The following DTX1 variants were observed in gnomAD, a reference collection of about 807,000 sequenced individuals.
The protein encoded by DTX1 is deltex E3 ubiquitin ligase 1, also known as E3 ubiquitin-protein ligase DTX1.
In DTX1, 26 loss-of-function variants were observed where a neutral mutation model predicts 57.8. The observed-to-expected ratio is 0.45, with a 90% CI of 0.33 to 0.62. DTX1 has a LOEUF of 0.62. DTX1 is among the 20% of genes least tolerant of loss of function. The probability of loss-of-function intolerance (pLI) is 0.02; values close to 1 mark genes in which losing one functional copy is unlikely to be tolerated. For synonymous variants in DTX1, 398 were observed against 394.1 expected (o/e 1.01, Z -0.12); for missense variants, 704 against 895.3 (o/e 0.79, Z 2.73).
At chr12:113,087,117 G>T (rs908492680) in intron 3 of DTX1, among the ~76,000 whole-genome samples, 3 of 116,330 alleles carry the variant, frequency 2.6e-5, no homozygotes, top group Admixed American at 1.6e-4. Flanking sequence ...CTGGAGGACC[G>T]GGAGGGTTGA....
chr12:113,061,695 A>C (rs879595010), intron 2 of DTX1, among the ~76,000 whole-genome samples: 1 of 126,962 alleles, frequency 7.9e-6, no homozygotes, highest in Non-Finnish European at 1.7e-5. Flanking sequence ...AAAGATCTTA[A>C]ATCTTTTTTT....
At chr12:113,094,126 G>GGC in intron 6 of DTX1, 27 bp downstream of exon 6, 2 of 964,914 alleles carry the variant, frequency 2.1e-6, no homozygotes, top group Non-Finnish European at 3.3e-6. Flanking sequence ...GGGGCTGGGG[G>GGC]AGGGCCCTGG....
At chr12:113,091,007 G>A (rs951176356) in intron 3 of DTX1, among the ~76,000 whole-genome samples, 5 of 152,210 alleles carry the variant, frequency 3.3e-5, no homozygotes, top group African/African-American at 1.2e-4. Flanking sequence ...GTCCGCGTGT[G>A]GACGGCAGGC....
intron 2 of DTX1, among the ~76,000 whole-genome samples, chr12:113,068,065 G>A (rs553397289): frequency 6.0e-4 from 92 of 152,120 alleles, no homozygotes; most frequent in African/African-American, 2.2e-3. Flanking sequence ...AATAAATACA[G>A]GTCACTATTT....
intron 3 of DTX1, among the ~76,000 whole-genome samples, chr12:113,084,741 A>G (rs2044843326): frequency 6.6e-6 from 1 of 152,270 alleles, no homozygotes; most frequent in African/African-American, 2.4e-5. Context: ...AGGTTCTATA[A>G]TCCCCATTTT....
chr12:113,088,753 G>A (rs1950223875), intron 3 of DTX1, among the ~76,000 whole-genome samples: 1 of 152,234 alleles, frequency 6.6e-6, no homozygotes, highest in Admixed American at 6.5e-5. Flanking sequence ...CACTTTGGGA[G>A]GTCGAGGAGG....
At chr12:113,095,454 G>C (rs1361514218) in intron 9 of DTX1, 40 bp downstream of exon 9, 1 of 1,612,514 alleles carries the variant, frequency 6.2e-7, no homozygotes, top group East Asian at 2.2e-5. Flanking sequence ...ATAGGCACAG[G>C]CAGGGGCTCC....
chr12:113,089,532 G>A (rs536776863), intron 3 of DTX1, among the ~76,000 whole-genome samples: 34 of 152,066 alleles, frequency 2.2e-4, no homozygotes, highest in African/African-American at 7.9e-4. Flanking sequence ...CGCAGGCAGC[G>A]GTCGCTTGTC....
In DTX1 at chr12:113,096,961, C is replaced by G; in HGVS notation, c.*22C>G. 1 of 1,595,608 alleles carries G rather than the reference C, an allele frequency of 6.3e-7. No individual in the cohort carries two copies. Among genetic ancestry groups the G allele is most frequent in the Non-Finnish European group, 8.5e-7 (1 of 1,172,688 alleles). ...TTGAGGCCCAAGGCTGCCCACCTTC[C>G]CTCCTGCTTTGCCCCTGGTCCGGCA... On this transcript the variant is annotated 3_prime_UTR_variant, in exon 10 of 10. Transcript: ENST00000548759.
intron 6 of DTX1, among the ~76,000 whole-genome samples, 174 bp from the exon 7 acceptor site, chr12:113,094,615 A>G (rs1270251978): frequency 6.6e-6 from 1 of 152,236 alleles, no homozygotes; most frequent in Non-Finnish European, 1.5e-5. Flanking sequence ...AACGAAGAAG[A>G]AGAAAAGAAA....
chr12:113,084,058 G>A (rs1423512874), intron 3 of DTX1, among the ~76,000 whole-genome samples: 5 of 152,242 alleles, frequency 3.3e-5, no homozygotes, highest in African/African-American at 4.8e-5. Flanking sequence ...GGGTAACAGC[G>A]AAGGAGGCCC....
rs2136420181 is a variant in DTX1 at position 113,057,734 on chromosome 12, T to C, written c.-459T>C. 1 of 165,398 alleles carries C rather than the reference T, an allele frequency of 6.0e-6. No individual in the cohort carries two copies. The highest frequency in any genetic ancestry group is 1.8e-4 in the East Asian group (1 of 5,622). The allele number at this position is 165,398 out of a possible 1,614,324, so 10.2% of individuals were successfully genotyped here. A position where few individuals can be genotyped will look rare whatever the true frequency, so the allele number is the denominator to read the frequency against. On this transcript the variant is annotated 5_prime_UTR_variant, in exon 2 of 10. Transcript: ENST00000548759. Reference sequence around the variant, plus strand: ...CCGGGCGCAGGGTCTGGGACGCAGTTGGGAGTGCAAAGGGCTGGCTGAGAG... The same window carrying C: ...CCGGGCGCAGGGTCTGGGACGCAGTCGGGAGTGCAAAGGGCTGGCTGAGAG...
intron 3 of DTX1, among the ~76,000 whole-genome samples, chr12:113,090,583 C>A (rs1455897249): frequency 6.6e-6 from 1 of 152,210 alleles, no homozygotes; most frequent in African/African-American, 2.4e-5. Context: ...TCCTGGGGGA[C>A]CCAGGGTACC....
chr12:113,078,366 C>A (rs919290304), intron 3 of DTX1, among the ~76,000 whole-genome samples: 6 of 152,158 alleles, frequency 3.9e-5, no homozygotes, highest in Admixed American at 3.9e-4. Context: ...GAAGAACTAA[C>A]TCCCCCAAGA....
intron 2 of DTX1, among the ~76,000 whole-genome samples, chr12:113,065,635 A>G (rs548924113): frequency 1.3e-5 from 2 of 152,078 alleles, no homozygotes; most frequent in Non-Finnish European, 2.9e-5. Flanking sequence ...GGAAGCTGTG[A>G]TGGGAAGCGT....
intron 2 of DTX1, among the ~76,000 whole-genome samples, chr12:113,061,983 A>G (rs1009545091): frequency 6.6e-6 from 1 of 151,868 alleles, no homozygotes; most frequent in Non-Finnish European, 1.5e-5. Flanking sequence ...TGGGATTACA[A>G]GCGTGAGCCA....
chr12:113,093,344 T>C lies in DTX1; in HGVS notation c.1003+121T>C. The C allele has an allele frequency of 2.9e-6, 4 of 1,368,882 alleles. No individual in the cohort carries two copies. Among genetic ancestry groups the C allele is most frequent in the Non-Finnish European group, 3.9e-6 (4 of 1,014,622 alleles). The allele number at this position is 1,368,882 out of a possible 1,614,324, so 84.8% of individuals were successfully genotyped here. Reference sequence around the variant, plus strand: ...AGCGTGGCCCGGAGGAAACGCCCCCTTCCACTGGGCCCAGGACACAGGGCG... The same window carrying C: ...AGCGTGGCCCGGAGGAAACGCCCCCCTCCACTGGGCCCAGGACACAGGGCG... On this transcript the variant is annotated intron_variant, in intron 4 of 9. Transcript: ENST00000548759. This position sits in a 1 kb window ranked among gnomAD's most constrained non-coding sequence, Gnocchi z 4.2.
intron 2 of DTX1, among the ~76,000 whole-genome samples, chr12:113,062,486 T>C (rs2044672248): frequency 6.6e-6 from 1 of 152,216 alleles, no homozygotes; most frequent in African/African-American, 2.4e-5. Context: ...CCATTCTTAC[T>C]TCCTGAGCTG....
rs758431069 is a variant in DTX1, at chr12:113,093,163, G to A, written c.943G>A (p.Val315Ile). The A allele has an allele frequency of 2.6e-5, 41 of 1,595,746 alleles. No homozygotes were observed. The highest frequency in any genetic ancestry group is 3.2e-5 in the Non-Finnish European group (37 of 1,171,562). The change falls in exon 4 of 10, where the codon GTC becomes ATC. Residue 315 changes from valine to isoleucine, a missense_variant and splice_region_variant. By Grantham distance (29) the Val-to-Ile change is conservative. Around this residue, in one of 3 missense-constraint regions of DTX1, gnomAD observed 299 missense variants for 311.2 expected, o/e 0.96. Transcript: ENST00000548759. The surrounding 1 kb of genome is among the most constrained non-coding windows in gnomAD (Gnocchi z 4.2). Reference sequence around the variant, plus strand: ...CGGCCTCTTCTCTTCTCCCCGCAGGGTCCCCGCACTCCCGGTGAAGAACTT... The same window carrying A: ...CGGCCTCTTCTCTTCTCCCCGCAGGATCCCCGCACTCCCGGTGAAGAACTT... ...VSARASIPPG[V>I]PALPVKNLNG...
Sources: allele counts gnomAD v4.1 joint callset (sites outside exome capture counted in the v4.1 genomes callset), GRCh38; gene constraint gnomAD v4.1.1; regional missense constraint gnomAD v4.1.1; non-coding constraint Gnocchi (gnomAD v3.1); transcripts MANE v1.5; gene names NCBI Gene and HGNC (gene_info 2026-07-23, HGNC 2026-07-21).